Variants in ADARB2 observed in about 807,000 individuals in gnomAD.
ADARB2 encodes the protein adenosine deaminase RNA specific B2 (inactive).
Under a neutral mutation model 62.2 loss-of-function variants are expected in ADARB2, and 25 were observed. The ratio of observed to expected loss-of-function variants is 0.40; its 90% CI spans 0.29 to 0.56. The LOEUF is 0.56. Ranked by LOEUF, ADARB2 falls within the 20% of genes least tolerant of loss-of-function variation. The pLI is 0.43. For synonymous variants in ADARB2, 572 were observed against 500.8 expected (o/e 1.14, Z -1.90); for missense variants, 1,071 against 1,077.4 (o/e 0.99, Z 0.08).
intron 3 of ADARB2, among the ~76,000 whole-genome samples, chr10:1,342,296 A>G (rs1275225587): frequency 2.6e-5 from 4 of 152,150 alleles, no homozygotes; most frequent in Admixed American, 1.3e-4. Flanking sequence ...GGCTGAGGCA[A>G]GTCCCTCAAA....
At chr10:1,267,734 G>A (rs922965725) in intron 4 of ADARB2, among the ~76,000 whole-genome samples, 16 of 152,258 alleles carry the variant, frequency 1.1e-4, no homozygotes, top group East Asian at 7.7e-4. Flanking sequence ...CTTGGAGCTG[G>A]GGGTGGAGGC....
At chr10:1,489,048 C>T (rs1831587779) in intron 1 of ADARB2, among the ~76,000 whole-genome samples, 1 of 152,250 alleles carries the variant, frequency 6.6e-6, no homozygotes, top group African/African-American at 2.4e-5. Flanking sequence ...AGCGCGACTG[C>T]GCACCTCGGA....
In ADARB2 at chr10:1,728,358, G is replaced by A. The variant is rs371309489; in HGVS notation, c.100+8693C>T. Among the ~76,000 whole-genome samples the A allele has an allele frequency of 7.4e-4, 113 of 152,312 alleles. 1 individual carries two copies. In the South Asian group the frequency reaches 7.7e-3, roughly 10 times the overall value. On this transcript the variant is annotated intron_variant, in intron 1 of 9. Transcript: ENST00000381312. ...GCCTCCCAAAGAATTTGTGCTCTCA[G>A]AGGTTTAGTGAAGATTTCTTTCTCT...
rs75072571 is a variant in ADARB2, at chr10:1,251,307, G to A, written c.1193-9008C>T. ...TGGAGGAAAGTTAAATAAAAGTTAA[G>A]TAAAAGAAGCTGATCTGAAAAGTCT... is the stretch of plus-strand genomic sequence containing the variant. On this transcript the variant is annotated intron_variant, in intron 4 of 9. Coordinates refer to ENST00000381312, the MANE Select transcript of ADARB2 (RefSeq NM_018702.4). 3.7e-3 allele frequency among the ~76,000 whole-genome samples: 564 copies of A among 152,310 alleles called. 8 individuals are homozygous for A. Among genetic ancestry groups the A allele is most frequent in the African/African-American group, 0.013 (535 of 41,572 alleles).
At chr10:1,478,851 C>G (rs921807351) in intron 1 of ADARB2, among the ~76,000 whole-genome samples, 1 of 151,242 alleles carries the variant, frequency 6.6e-6, no homozygotes, top group African/African-American at 2.4e-5. Context: ...GACCCTCCGA[C>G]AGGAGTGCCA....
chr10:1,367,137 C>T (rs1832320466), intron 2 of ADARB2, among the ~76,000 whole-genome samples: 1 of 152,172 alleles, frequency 6.6e-6, no homozygotes. Flanking sequence ...AATCAGGCAC[C>T]TTTGCGAGGT....
chr10:1,312,215 G>T (rs1178075325), intron 3 of ADARB2, among the ~76,000 whole-genome samples: 1 of 152,182 alleles, frequency 6.6e-6, no homozygotes, highest in Non-Finnish European at 1.5e-5. Flanking sequence ...ACCTTGGTGG[G>T]TGCTGGCTGG....
chr10:1,466,995 C>T (rs1003784272), intron 1 of ADARB2, among the ~76,000 whole-genome samples: 10 of 152,004 alleles, frequency 6.6e-5, no homozygotes, highest in African/African-American at 9.7e-5. Context: ...TCTGAAGGAC[C>T]GGCCTTCAGC....
At chr10:1,565,759 C>T (rs1183052365) in intron 1 of ADARB2, among the ~76,000 whole-genome samples, 2 of 152,132 alleles carry the variant, frequency 1.3e-5, no homozygotes, top group Non-Finnish European at 2.9e-5. Flanking sequence ...CTTATTTCAT[C>T]AAAGTATTAG....
At chr10:1,714,466 C>G (rs912865083) in intron 1 of ADARB2, among the ~76,000 whole-genome samples, 13 of 152,352 alleles carry the variant, frequency 8.5e-5, no homozygotes, top group African/African-American at 3.1e-4. Flanking sequence ...AGGCACGCAT[C>G]TGAACCAGCC....
intron 3 of ADARB2, among the ~76,000 whole-genome samples, chr10:1,277,802 AAAAG>A (rs1482533768): frequency 6.6e-6 from 1 of 152,152 alleles, no homozygotes; most frequent in African/African-American, 2.4e-5. Context: ...ACACAACAAA[AAAAG>A]AGAATTTTAG....
intron 3 of ADARB2, among the ~76,000 whole-genome samples, chr10:1,351,102 G>A (rs979551388): frequency 1.3e-5 from 2 of 152,046 alleles, no homozygotes; most frequent in African/African-American, 4.8e-5. Context: ...ATCTGTGCAG[G>A]ACCCCACTGA....
At chr10:1,609,761 G>A (rs1020028563) in intron 1 of ADARB2, among the ~76,000 whole-genome samples, 1 of 152,220 alleles carries the variant, frequency 6.6e-6, no homozygotes, top group Non-Finnish European at 1.5e-5. Context: ...GGGCCCGGGT[G>A]AGCTGTGTGG....
chr10:1,458,544 G>A (rs1327426107), intron 1 of ADARB2, among the ~76,000 whole-genome samples: 6 of 152,292 alleles, frequency 3.9e-5, no homozygotes, highest in African/African-American at 1.4e-4. Flanking sequence ...CCTGGGAGAG[G>A]CTCACCTATG....
At chr10:1,614,989 C>T (rs1874995) in intron 1 of ADARB2, among the ~76,000 whole-genome samples, 109,204 of 151,794 alleles carry the variant, frequency 0.72, 39,493 homozygotes, top group African/African-American at 0.81. Context: ...GCTCTTTCTT[C>T]TCATTGTTGG....
chr10:1,671,656 T>C (rs920689568), intron 1 of ADARB2, among the ~76,000 whole-genome samples: 4 of 152,172 alleles, frequency 2.6e-5, no homozygotes, highest in African/African-American at 9.7e-5. Context: ...CTCCTCGTTC[T>C]GTGCCTATAA....
chr10:1,592,334 C>T (rs1460402551), intron 1 of ADARB2, among the ~76,000 whole-genome samples: 10 of 144,176 alleles, frequency 6.9e-5, no homozygotes, highest in African/African-American at 2.5e-4. Context: ...GCCCAAGCCA[C>T]CCTCCATAGG....
intron 1 of ADARB2, among the ~76,000 whole-genome samples, chr10:1,655,807 T>A (rs1211257880): frequency 6.6e-6 from 1 of 152,272 alleles, no homozygotes; most frequent in African/African-American, 2.4e-5. Flanking sequence ...TTGAGTATTT[T>A]CAGTAGCATC....
At chr10:1,418,465 G>A (rs182901162) in intron 1 of ADARB2, among the ~76,000 whole-genome samples, 1 of 152,300 alleles carries the variant, frequency 6.6e-6, no homozygotes, top group East Asian at 1.9e-4. Flanking sequence ...AGGCAGACGA[G>A]GCCCAAGGTA....
Sources: gnomAD v4.1 joint callset for allele counts (sites outside exome capture counted in the v4.1 genomes callset) on GRCh38, gnomAD v4.1.1 for gene constraint, MANE v1.5 for transcripts, NCBI Gene and HGNC (gene_info 2026-07-23, HGNC 2026-07-21) for gene names.